SERGEF: variants seen among roughly 807,000 people sequenced by gnomAD.
SERGEF encodes secretion-regulating guanine nucleotide exchange factor.
SERGEF carries 51 observed loss-of-function variants against 50.0 expected under a neutral mutation model. That is an observed-to-expected ratio of 1.02 (90% confidence interval 0.81 to 1.29). SERGEF has a LOEUF of 1.29. Among genes scored for constraint, SERGEF ranks in the 50% most tolerant of loss-of-function variants. The probability of loss-of-function intolerance (pLI) is 0.00; values close to 1 mark genes in which losing one functional copy is unlikely to be tolerated. For missense variants in SERGEF, 521 were observed against 557.0 expected, an observed-to-expected ratio of 0.94 and a Z score of 0.65; for synonymous variants, 205 against 212.4, an observed-to-expected ratio of 0.97 and a Z score of 0.30.
chr11:17,792,614 C>G (rs1370485347), intron 10 of SERGEF, among the ~76,000 whole-genome samples: 1 of 152,214 alleles, frequency 6.6e-6, no homozygotes, highest in East Asian at 1.9e-4. Flanking sequence ...CCAGTAATAT[C>G]CCCCCGCAGT....
intron 10 of SERGEF, among the ~76,000 whole-genome samples, chr11:17,845,858 A>T (rs752458558): frequency 5.9e-5 from 9 of 152,186 alleles, no homozygotes; most frequent in Non-Finnish European, 1.3e-4. Flanking sequence ...GGTGCTTAGA[A>T]ATTTGCAGTT....
chr11:17,930,970 A>C (rs909480007), intron 9 of SERGEF, among the ~76,000 whole-genome samples: 2 of 152,158 alleles, frequency 1.3e-5, no homozygotes, highest in South Asian at 2.1e-4. Flanking sequence ...CACTGCAGAA[A>C]AAATGGTCAT....
At chr11:17,872,456 T>C (rs1851157817) in intron 10 of SERGEF, among the ~76,000 whole-genome samples, 2 of 152,182 alleles carry the variant, frequency 1.3e-5, no homozygotes, top group Admixed American at 6.5e-5. Flanking sequence ...TGCTTACCTA[T>C]CAGACTGGCA....
At position 17,949,924 on chromosome 11, in the gene SERGEF, G is replaced by A. The variant is rs1386353784; in HGVS notation, c.1011+9546C>T. On this transcript the variant is annotated intron_variant, in intron 9 of 10. Transcript: ENST00000265965. ...GTTAGCTACTGAGAAATAGGTAGTA[G>A]TTGTCCAAGGAGCCAAAGGCAAAGG... 7.2e-5 allele frequency among the ~76,000 whole-genome samples: 11 copies of A among 152,332 alleles called. No homozygotes were observed. The South Asian group carries it at 8.3e-4, about 11-fold the overall frequency.
intron 10 of SERGEF, among the ~76,000 whole-genome samples, chr11:17,872,703 C>T (rs1349106082): frequency 6.6e-6 from 1 of 152,134 alleles, no homozygotes; most frequent in Non-Finnish European, 1.5e-5. Flanking sequence ...TATAGCGTTG[C>T]TTATAATAAC....
chr11:17,840,012 A>C (rs1850472686), intron 10 of SERGEF, among the ~76,000 whole-genome samples: 1 of 152,326 alleles, frequency 6.6e-6, no homozygotes, highest in South Asian at 2.1e-4. Context: ...AGAATCAGAG[A>C]ATCTTAAAGC....
intron 9 of SERGEF, among the ~76,000 whole-genome samples, chr11:17,934,080 T>A (rs756098072): frequency 6.6e-6 from 1 of 152,028 alleles, no homozygotes; most frequent in African/African-American, 2.4e-5. Flanking sequence ...ATAAATTGAA[T>A]AATAAAAAAA....
chr11:17,979,885 C>G (rs1853457546), intron 8 of SERGEF, among the ~76,000 whole-genome samples: 1 of 152,202 alleles, frequency 6.6e-6, no homozygotes. Context: ...CAAGACTGAT[C>G]TTCACCTGCA....
intron 8 of SERGEF, among the ~76,000 whole-genome samples, chr11:17,982,635 T>A (rs1227217982): frequency 1.3e-5 from 2 of 152,144 alleles, no homozygotes; most frequent in Non-Finnish European, 2.9e-5. Context: ...CTGAAAAGGA[T>A]CTTGGCCCCA....
rs1290993452 is a variant in SERGEF at position 17,888,977 on chromosome 11, GAAT to G, written c.1012-10736_1012-10734del. 1.3e-5 allele frequency among the ~76,000 whole-genome samples: 2 copies of G among 152,136 alleles called. No homozygotes were observed. Among genetic ancestry groups the G allele is most frequent in the Non-Finnish European group, 2.9e-5 (2 of 68,010 alleles). On this transcript the variant is annotated intron_variant, in intron 9 of 10. Transcript: ENST00000265965. The surrounding 1 kb of genome is among the most constrained non-coding windows in gnomAD (Gnocchi z 4.1). ...TCAGGGAGAACTTGAGCTCCAAAAT[GAAT>G]AATGACAGTAGATTATAGCCCATTG...
Position 17,984,964 on chromosome 11 carries a change from G to A in SERGEF, c.844+3633C>T, listed in dbSNP as rs1364005881. Among the ~76,000 whole-genome samples, 7 of 152,168 alleles carry A rather than the reference G, an allele frequency of 4.6e-5. No individual in the cohort carries two copies. In the South Asian group the frequency reaches 1.5e-3, roughly 32 times the overall value. The stretch of plus-strand genomic sequence containing the variant: ...AAGAGATGTACACAATTACAAATTG[G>A]GATGAGTATCCTGAATTTTAATAGG... On this transcript the variant is annotated intron_variant, in intron 8 of 10. Coordinates refer to ENST00000265965, the MANE Select transcript of SERGEF (RefSeq NM_012139.4).
chr11:17,988,525 G>T, intron 8 of SERGEF, 72 bp downstream of exon 8: 1 of 1,477,550 alleles, frequency 6.8e-7, no homozygotes, highest in Non-Finnish European at 9.3e-7. Context: ...TTAACCCCAA[G>T]CACTCATGGC....
Position 18,006,692 on chromosome 11 carries a change from C to T in SERGEF, c.251G>A (p.Gly84Asp), listed in dbSNP as rs965108224. 6.2e-7 allele frequency: 1 copy of T among 1,614,046 alleles called. No individual in the cohort carries two copies. The highest frequency in any genetic ancestry group is 8.5e-7 in the Non-Finnish European group (1 of 1,180,038). The change falls in exon 3 of 11, where the codon GGT becomes GAT. Residue 84 changes from glycine (G) to aspartate (D), a missense_variant. Physicochemically the swap from Gly to Asp is moderately conservative, Grantham distance 94. Transcript: ENST00000265965. ...GLNKDGQLGL[G>D]HTEDIPYFTP... ...AAAATATGGGATATCCTCTGTGTGA[C>T]CAAGCCCCAGTTGCCCATCTTTGTT... is the stretch of plus-strand genomic sequence containing the variant.
intron 8 of SERGEF, among the ~76,000 whole-genome samples, chr11:17,960,528 A>C (rs1852975866): frequency 2.6e-5 from 4 of 152,216 alleles, no homozygotes; most frequent in Admixed American, 2.6e-4. Flanking sequence ...TAAATTCTTT[A>C]TACATGTTTA....
chr11:17,830,567 A>AGAGAGGGAGAGAGAGGGG (rs1850276567), intron 10 of SERGEF, among the ~76,000 whole-genome samples: 1 of 144,094 alleles, frequency 6.9e-6, no homozygotes, highest in African/African-American at 2.6e-5. Flanking sequence ...AGAGAGAGGA[A>AGAGAGGGAGAGAGAGGGG]GAGAGGGAGA....
chr11:17,918,380 C>T (rs926183577), intron 9 of SERGEF, among the ~76,000 whole-genome samples: 1 of 152,200 alleles, frequency 6.6e-6, no homozygotes, highest in Non-Finnish European at 1.5e-5. Flanking sequence ...AAGGTAGCAG[C>T]TCCCTGCAGG....
At chr11:18,000,904 T>C (rs1209078391) in intron 4 of SERGEF, 4 of 463,556 alleles carry the variant, frequency 8.6e-6, no homozygotes, top group African/African-American at 2.0e-5. Context: ...AGCTGTGCCA[T>C]TGTAACATAA....
chr11:17,845,781 T>G (rs1026970253), intron 10 of SERGEF, among the ~76,000 whole-genome samples: 4 of 152,208 alleles, frequency 2.6e-5, no homozygotes, highest in African/African-American at 9.6e-5. Context: ...TCTTTTCTAC[T>G]CATTTGATGA....
chr11:17,963,507 C>A (rs1853059389), intron 8 of SERGEF, among the ~76,000 whole-genome samples: 2 of 151,830 alleles, frequency 1.3e-5, no homozygotes, highest in African/African-American at 4.8e-5. Flanking sequence ...CCCGCCTCAG[C>A]CTCCTGAGTA....
Sources: gnomAD v4.1 joint callset for allele counts (sites outside exome capture counted in the v4.1 genomes callset) on GRCh38, gnomAD v4.1.1 for gene constraint, Gnocchi (gnomAD v3.1) non-coding constraint, MANE v1.5 for transcripts, NCBI Gene and HGNC (gene_info 2026-07-23, HGNC 2026-07-21) for gene names.